The following REPS1 variants were observed in gnomAD, a reference collection of about 807,000 sequenced individuals.
REPS1 encodes ralBP1-associated Eps domain-containing protein 1.
In REPS1, 39 loss-of-function variants were observed where a neutral mutation model predicts 100.9. That is an observed-to-expected ratio of 0.39 (90% CI 0.30 to 0.50). REPS1 has a LOEUF of 0.50. Among genes scored for constraint, REPS1 ranks in the 20% least tolerant of loss-of-function variants. The pLI, the probability that REPS1 is intolerant of heterozygous loss-of-function variation, is 0.86. For synonymous variants in REPS1, 324 were observed against 340.3 expected, an observed-to-expected ratio of 0.95 and a Z score of 0.53; for missense variants, 821 against 968.5, an observed-to-expected ratio of 0.85 and a Z score of 2.02.
At chr6:138,964,871 A>G (rs1783929019) in intron 1 of REPS1, among the ~76,000 whole-genome samples, 1 of 152,138 alleles carries the variant, frequency 6.6e-6, no homozygotes, top group Non-Finnish European at 1.5e-5. Flanking sequence ...GATTACTGCT[A>G]TATGACCTAG....
Position 138,988,125 on chromosome 6 carries a change from C to T in REPS1, c.-443G>A. The T allele has an allele frequency of 2.5e-6, 1 of 398,160 alleles. No homozygotes were observed. The highest frequency in any genetic ancestry group is 4.4e-6 in the Non-Finnish European group (1 of 225,794). 24.7% of individuals were successfully genotyped at this position (398,160 alleles called of 1,614,324 possible). ...ACGCCTCCGGAGCGGCAGCGCTTCC[C>T]GGAAAGTTGTGGGGCTTCGAACCTA... On this transcript the variant is annotated 5_prime_UTR_variant, in exon 1 of 20. Transcript: ENST00000450536.
At position 138,920,987 on chromosome 6, in the gene REPS1, AT is replaced by A. The variant is rs750762578; in HGVS notation, c.1426+49del. 4 of 1,283,042 alleles carry A rather than the reference AT, an allele frequency of 3.1e-6. No homozygotes were observed. The Admixed American group carries it at 7.1e-5, about 23-fold the overall frequency. 79.5% of individuals were successfully genotyped at this position (1,283,042 alleles called of 1,614,324 possible). A position where few individuals can be genotyped will look rare whatever the true frequency, so the allele number is the denominator to read the frequency against. ...TTGAACCTTGACAGAATAATTACAT[AT>A]TTCAGTTTGATGTAAAACTAAAATA... On this transcript the variant is annotated intron_variant, in intron 11 of 19. Coordinates refer to ENST00000450536, the MANE Select transcript of REPS1 (RefSeq NM_001286611.2).
At chr6:138,967,696 A>G (rs1784098466) in intron 1 of REPS1, among the ~76,000 whole-genome samples, 2 of 152,136 alleles carry the variant, frequency 1.3e-5, no homozygotes, top group Admixed American at 6.5e-5. Context: ...AAACATCACT[A>G]AACACACTCC....
intron 19 of REPS1, among the ~76,000 whole-genome samples, chr6:138,907,162 T>C (rs1056382210): frequency 6.6e-6 from 1 of 151,942 alleles, no homozygotes; most frequent in Non-Finnish European, 1.5e-5. Flanking sequence ...GGAATCTGAG[T>C]TGTCTTTGAT....
At chr6:138,935,345 C>G (rs1367729126) in intron 8 of REPS1, among the ~76,000 whole-genome samples, 1 of 152,164 alleles carries the variant, frequency 6.6e-6, no homozygotes, top group Admixed American at 6.5e-5. Context: ...GACAGTACTG[C>G]TCAACATCTG....
At chr6:138,929,657 G>A (rs1037193983) in intron 9 of REPS1, 7 of 196,468 alleles carry the variant, frequency 3.6e-5, no homozygotes, top group Admixed American at 1.1e-4. Flanking sequence ...AAGGACTTAC[G>A]TTCAAATCCT....
intron 8 of REPS1, among the ~76,000 whole-genome samples, chr6:138,932,951 T>C (rs577186549): frequency 2.6e-5 from 4 of 152,234 alleles, no homozygotes; most frequent in Non-Finnish European, 4.4e-5. Context: ...GCTTGATATG[T>C]TGTGAAATCA....
chr6:138,943,638 G>C, intron 6 of REPS1, 62 bp from the exon 7 acceptor site: 5 of 1,278,494 alleles, frequency 3.9e-6, no homozygotes, highest in Non-Finnish European at 5.5e-6. Context: ...CGAACAGAAT[G>C]TAAGAGTCTT....
At chr6:138,934,426 A>G in intron 8 of REPS1, 1 of 448,116 alleles carries the variant, frequency 2.2e-6, no homozygotes, top group South Asian at 1.6e-5. Context: ...TGTCTGAAAG[A>G]GACAACCCAG....
At chr6:138,968,982 G>A (rs1222002145) in intron 1 of REPS1, among the ~76,000 whole-genome samples, 1 of 152,134 alleles carries the variant, frequency 6.6e-6, no homozygotes, top group East Asian at 1.9e-4. Context: ...CAAAACATAA[G>A]GCTGCTCTAC....
At chr6:138,956,862 G>A (rs145646768) in intron 1 of REPS1, among the ~76,000 whole-genome samples, 1 of 151,186 alleles carries the variant, frequency 6.6e-6, no homozygotes, top group Non-Finnish European at 1.5e-5. Context: ...TCTAGTGCCT[G>A]TTCTGATAGA....
At chr6:138,915,560 C>T (rs2128436576) in intron 14 of REPS1, among the ~76,000 whole-genome samples, 1 of 151,248 alleles carries the variant, frequency 6.6e-6, no homozygotes, top group South Asian at 2.1e-4. Flanking sequence ...TCAAGGGACT[C>T]TCCCACCTCA....
At chr6:138,963,342 TC>T (rs778548425) in intron 1 of REPS1, among the ~76,000 whole-genome samples, 3 of 152,140 alleles carry the variant, frequency 2.0e-5, no homozygotes, top group Non-Finnish European at 2.9e-5. Context: ...GTACCCACAT[TC>T]CCTTCCACTA....
intron 9 of REPS1, 127 bp downstream of exon 9, chr6:138,929,850 A>G: frequency 1.2e-6 from 1 of 860,182 alleles, no homozygotes; most frequent in East Asian, 2.5e-5. Context: ...CATTTATCAT[A>G]GTATATCTGA....
intron 3 of REPS1, 56 bp downstream of exon 3, chr6:138,945,445 T>C: frequency 6.3e-7 from 1 of 1,579,654 alleles, no homozygotes; most frequent in Middle Eastern, 1.7e-4. Flanking sequence ...AATAAGAGCC[T>C]TAGTGAAGCA....
chr6:138,924,457 T>C (rs1040548269), intron 10 of REPS1, among the ~76,000 whole-genome samples: 1 of 152,220 alleles, frequency 6.6e-6, no homozygotes, highest in Non-Finnish European at 1.5e-5. Flanking sequence ...TCTCTACATT[T>C]CCTGTCAGTC....
In REPS1 at chr6:138,988,226, GC is replaced by G; in HGVS notation, c.-545del. 1 of 398,510 alleles carries G rather than the reference GC, an allele frequency of 2.5e-6. No homozygotes were observed. Among genetic ancestry groups the G allele is most frequent in the Admixed American group, 4.4e-5 (1 of 22,712 alleles). 24.7% of individuals were successfully genotyped at this position (398,510 alleles called of 1,614,324 possible). On this transcript the variant is annotated 5_prime_UTR_variant, in exon 1 of 20. Transcript: ENST00000450536. The stretch of plus-strand genomic sequence containing the variant: ...CCGCCATTTACAGTGCCCCGGCCCG[GC>G]CCCGACGCGCCCGCACCAACAGTGA...
intron 10 of REPS1, among the ~76,000 whole-genome samples, chr6:138,924,589 A>G (rs887688004): frequency 6.6e-6 from 1 of 152,214 alleles, no homozygotes; most frequent in Admixed American, 6.5e-5. Context: ...GTTAGAGAAT[A>G]TAATAGTTTC....
chr6:138,930,779 G>C (rs749682376), intron 8 of REPS1, among the ~76,000 whole-genome samples: 1 of 151,990 alleles, frequency 6.6e-6, no homozygotes, highest in Non-Finnish European at 1.5e-5. Flanking sequence ...CCCCAGCCAC[G>C]GGAAAAAAGC....
Sources: allele counts gnomAD v4.1 joint callset (sites outside exome capture counted in the v4.1 genomes callset), GRCh38; gene constraint gnomAD v4.1.1; transcripts MANE v1.5; gene names NCBI Gene and HGNC (gene_info 2026-07-23, HGNC 2026-07-21).